The following COL18A1 variants were observed in gnomAD, a reference collection of about 807,000 sequenced individuals.
The protein encoded by COL18A1 is collagen type XVIII alpha 1 chain, also known as collagen alpha-1(XVIII) chain.
In COL18A1, 133 loss-of-function variants were observed where a neutral mutation model predicts 168.0. That is an observed-to-expected ratio of 0.79 (90% CI 0.69 to 0.91). The LOEUF (loss-of-function observed/expected upper bound fraction) is 0.91, where lower values mean the gene tolerates loss of function less well. Ranked by LOEUF, COL18A1 falls within the 40% of genes least tolerant of loss-of-function variation. The pLI is 0.00. For synonymous variants in COL18A1, 949 were observed against 809.0 expected (o/e 1.17, Z -2.94); for missense variants, 2,126 against 1,925.4 (o/e 1.10, Z -1.95).
chr21:45,437,119 A>ACATACT, intron 2 of COL18A1, among the ~76,000 whole-genome samples: 1 of 113,602 alleles, frequency 8.8e-6, no homozygotes, highest in African/African-American at 3.9e-5. Context: ...ACACTCACAC[A>ACATACT]CAGACACACA....
intron 32 of COL18A1, 125 bp from the exon 33 acceptor site, chr21:45,503,886 C>G (rs574719267): frequency 4.5e-6 from 4 of 887,948 alleles, no homozygotes; most frequent in Admixed American, 1.9e-5. Flanking sequence ...TAATTAAATA[C>G]GCGATCTCTA....
rs1267946244 is a variant in COL18A1 at position 45,473,124 on chromosome 21, G to A, written c.652-771G>A. On this transcript the variant is annotated intron_variant, in intron 3 of 41. Transcript: ENST00000651438. The surrounding 1 kb of genome is among the most constrained non-coding windows in gnomAD (Gnocchi z 4.0). The stretch of plus-strand genomic sequence containing the variant: ...TTTTCCTGTCAAAGCCCCTCCCAGC[G>A]TCCTCTCCCCACCAGGCAAGCTACC... Among the ~76,000 whole-genome samples the A allele has an allele frequency of 6.6e-6, 1 of 152,168 alleles. No individual in the cohort carries two copies. Among genetic ancestry groups the A allele is most frequent in the Non-Finnish European group, 1.5e-5 (1 of 68,014 alleles).
chr21:45,481,530 G>A (rs1260685816), intron 13 of COL18A1, among the ~76,000 whole-genome samples: 1 of 152,240 alleles, frequency 6.6e-6, no homozygotes, highest in African/African-American at 2.4e-5. Context: ...CCCTACCTGA[G>A]CCAGCCAACC....
At chr21:45,469,568 G>T (rs576025867) in intron 3 of COL18A1, among the ~76,000 whole-genome samples, 14 of 152,300 alleles carry the variant, frequency 9.2e-5, no homozygotes, top group African/African-American at 3.4e-4. Context: ...TTGGGGTTGG[G>T]GGGGTGGACA....
At chr21:45,431,886 T>C (rs2033973417) in intron 2 of COL18A1, among the ~76,000 whole-genome samples, 1 of 152,134 alleles carries the variant, frequency 6.6e-6, no homozygotes, top group Admixed American at 6.5e-5. Context: ...GGGTGGTCAC[T>C]GCTCCTGCCA....
At chr21:45,433,520 A>G (rs1196776963) in intron 2 of COL18A1, among the ~76,000 whole-genome samples, 2 of 152,188 alleles carry the variant, frequency 1.3e-5, no homozygotes, top group Non-Finnish European at 2.9e-5. Flanking sequence ...AGGTTGATCC[A>G]ACAGATGCCG....
chr21:45,466,748 C>T (rs1479596783), intron 2 of COL18A1, among the ~76,000 whole-genome samples: 1 of 152,128 alleles, frequency 6.6e-6, no homozygotes, highest in Non-Finnish European at 1.5e-5. Context: ...GTGCTGGTAC[C>T]CTCCAGCCCA....
chr21:45,506,015 G>T (rs148306731), intron 37 of COL18A1, 49 bp downstream of exon 37: 151 of 1,611,656 alleles, frequency 9.4e-5, no homozygotes, highest in Non-Finnish European at 1.3e-4. Context: ...GGCCGAAGCC[G>T]CCTCCTGGGG....
At chr21:45,504,596 G>A (rs776297589) in intron 34 of COL18A1, 40 bp downstream of exon 34, 2 of 1,544,794 alleles carry the variant, frequency 1.3e-6, no homozygotes, top group South Asian at 1.2e-5. Context: ...ATGTCCCAGG[G>A]GTCTGGGTGC....
intron 2 of COL18A1, chr21:45,455,391 G>T: frequency 8.2e-7 from 1 of 1,226,234 alleles, no homozygotes; most frequent in Non-Finnish European, 1.2e-6. Flanking sequence ...CTTTCCTTCT[G>T]CAAGAGTGGG....
chr21:45,421,635 C>G (rs779709445), intron 2 of COL18A1: 1 of 523,146 alleles, frequency 1.9e-6, no homozygotes, highest in Admixed American at 2.0e-5. Context: ...AGGTGTGGAG[C>G]GGGTCAGGTG....
Position 45,490,280 on chromosome 21 carries a change from A to T in COL18A1, c.1965A>T (p.Glu655Asp), listed in dbSNP as rs2036270496. 6.3e-7 allele frequency: 1 copy of T among 1,582,498 alleles called. No individual in the cohort carries two copies. The highest frequency in any genetic ancestry group is 1.8e-5 in the Admixed American group (1 of 55,458). Residue 655 changes from glutamate to aspartate, a missense_variant, in exon 20 of 42, where the codon GAA (glutamate) becomes GAT (aspartate). Coordinates refer to ENST00000651438, the MANE Select transcript of COL18A1 (RefSeq NM_001379500.1). Reference sequence around the variant, plus strand: ...CCTCCATGTGACCCTTTCAGGGAGAAGTTGGAGCAGATGGAGTCCCCGGGT... The same window carrying T: ...CCTCCATGTGACCCTTTCAGGGAGATGTTGGAGCAGATGGAGTCCCCGGGT... ...GVPGLPGAKGEVGADGVPGFP... is the reference protein window; with the variant it reads ...GVPGLPGAKGDVGADGVPGFP...
intron 2 of COL18A1, among the ~76,000 whole-genome samples, chr21:45,412,241 T>C (rs1441197049): frequency 6.6e-6 from 1 of 150,784 alleles, no homozygotes; most frequent in Non-Finnish European, 1.5e-5. Context: ...ATATTTCTTT[T>C]TTTTTTTTTT....
At chr21:45,459,341 G>A (rs970360210) in intron 2 of COL18A1, among the ~76,000 whole-genome samples, 10 of 152,230 alleles carry the variant, frequency 6.6e-5, no homozygotes, top group African/African-American at 9.6e-5. Context: ...TCGAGGCCCC[G>A]AAAGTGGGGG....
chr21:45,494,598 A>T (rs753134097), intron 27 of COL18A1, 27 bp downstream of exon 27: 3 of 1,612,844 alleles, frequency 1.9e-6, no homozygotes, highest in Non-Finnish European at 2.5e-6. Context: ...CTTTCTCTGC[A>T]CTGAGCTCGG....
intron 5 of COL18A1, 36 bp from the exon 6 acceptor site, chr21:45,476,315 G>A (rs757851625): frequency 1.8e-5 from 29 of 1,613,054 alleles, no homozygotes; most frequent in Non-Finnish European, 2.4e-5. Context: ...GCATCTGCCG[G>A]CCGAATAACA....
At chr21:45,426,197 C>T (rs568212492) in intron 2 of COL18A1, among the ~76,000 whole-genome samples, 9 of 152,190 alleles carry the variant, frequency 5.9e-5, no homozygotes, top group Admixed American at 3.3e-4. Flanking sequence ...CTCTACCTCC[C>T]GGGTTCAAGC....
rs911423756 is a variant in COL18A1, at chr21:45,513,698, A to G, written c.*1300A>G. ...ATGTGAAGCCAATTCAGACAGGCAAATAAAAGTGACCTTTTACACTGACTC... is the reference window on the plus strand; with the variant it reads ...ATGTGAAGCCAATTCAGACAGGCAAGTAAAAGTGACCTTTTACACTGACTC... On this transcript the variant is annotated 3_prime_UTR_variant, in exon 42 of 42. Coordinates refer to ENST00000651438, the MANE Select transcript of COL18A1 (RefSeq NM_001379500.1). 4 of 152,270 alleles carry G rather than the reference A, an allele frequency of 2.6e-5. No homozygotes were observed. The highest frequency in any genetic ancestry group is 5.9e-5 in the Non-Finnish European group (4 of 68,046). The allele number at this position is 152,270 out of a possible 1,614,324, so 9.4% of individuals were successfully genotyped here. A position where few individuals can be genotyped will look rare whatever the true frequency, so the allele number is the denominator to read the frequency against.
chr21:45,419,560 C>T (rs1214020076), intron 2 of COL18A1, among the ~76,000 whole-genome samples: 1 of 152,030 alleles, frequency 6.6e-6, no homozygotes, highest in African/African-American at 2.4e-5. Flanking sequence ...TTATGTCCTG[C>T]CAGGTACAGT....
Sources: allele counts gnomAD v4.1 joint callset (sites outside exome capture counted in the v4.1 genomes callset), GRCh38; gene constraint gnomAD v4.1.1; non-coding constraint Gnocchi (gnomAD v3.1); transcripts MANE v1.5; gene names NCBI Gene and HGNC (gene_info 2026-07-23, HGNC 2026-07-21).